PRKG1: variants seen among roughly 807,000 people sequenced by gnomAD.
The protein encoded by PRKG1 is protein kinase cGMP-dependent 1, also known as cGMP-dependent protein kinase 1.
In PRKG1, 35 loss-of-function variants were observed where a neutral mutation model predicts 88.1. The observed-to-expected ratio is 0.40, with a 90% CI of 0.30 to 0.53. PRKG1 has a LOEUF of 0.53. Ranked by LOEUF, PRKG1 falls within the 20% of genes least tolerant of loss-of-function variation. The pLI is 0.59. For missense variants in PRKG1, 540 were observed against 839.8 expected (o/e 0.64, Z 4.41); for synonymous variants, 303 against 292.5 (o/e 1.04, Z -0.37).
chr10:51,774,597 TAGG>T (rs1387466525), intron 3 of PRKG1, among the ~76,000 whole-genome samples: 1 of 152,178 alleles, frequency 6.6e-6, no homozygotes, highest in South Asian at 2.1e-4. Flanking sequence ...TTATTGCAAG[TAGG>T]AGGTGTTTAT....
chr10:51,011,301 C>G lies in PRKG1; in HGVS notation c.266+19657C>G, dbSNP rs552516031. ...TCTTGGACTCTACCCACCAGTAACA[C>G]CAGTAATACTCTACCCACCAGTAAC... On this transcript the variant is annotated intron_variant, in intron 1 of 17. Coordinates refer to the PRKG1 transcript ENST00000401604. Among the ~76,000 whole-genome samples the G allele has an allele frequency of 2.6e-3, 398 of 152,058 alleles. 1 individual carries two copies. The highest frequency in any genetic ancestry group is 9.3e-3 in the African/African-American group (384 of 41,462).
At chr10:51,416,214 TAATTC>T (rs1430407671) in intron 2 of PRKG1, among the ~76,000 whole-genome samples, 7 of 152,170 alleles carry the variant, frequency 4.6e-5, no homozygotes, top group African/African-American at 1.7e-4. Context: ...TCTAATAAAA[TAATTC>T]AATTAATAGC....
chr10:51,797,204 G>A (rs1189766820), intron 3 of PRKG1, among the ~76,000 whole-genome samples: 1 of 150,050 alleles, frequency 6.7e-6, no homozygotes, highest in Non-Finnish European at 1.5e-5. Context: ...AAATACTGAT[G>A]TGAGACTTCT....
At chr10:51,298,234 C>T (rs1021720822) in intron 2 of PRKG1, among the ~76,000 whole-genome samples, 3 of 152,214 alleles carry the variant, frequency 2.0e-5, no homozygotes, top group South Asian at 4.2e-4. Flanking sequence ...GAAATCTGAA[C>T]CCACACAATC....
At chr10:52,177,515 A>C (rs983301037) in intron 9 of PRKG1, among the ~76,000 whole-genome samples, 1 of 152,130 alleles carries the variant, frequency 6.6e-6, no homozygotes, top group Admixed American at 6.5e-5. Context: ...TGCTTACTTC[A>C]TAGAATGAGT....
chr10:51,558,589 A>G (rs1837374258), intron 3 of PRKG1, among the ~76,000 whole-genome samples: 1 of 152,082 alleles, frequency 6.6e-6, no homozygotes, highest in Admixed American at 6.6e-5. Context: ...GCTAAATGCC[A>G]AGTAGAATAA....
intron 3 of PRKG1, among the ~76,000 whole-genome samples, chr10:51,564,756 T>A (rs1837557657): frequency 6.6e-6 from 1 of 152,116 alleles, no homozygotes; most frequent in South Asian, 2.1e-4. Context: ...TTGCTTCGTA[T>A]GTAGGATTTC....
intron 2 of PRKG1, among the ~76,000 whole-genome samples, chr10:51,465,444 G>C (rs1028866805): frequency 6.6e-6 from 1 of 152,056 alleles, no homozygotes; most frequent in Non-Finnish European, 1.5e-5. Flanking sequence ...AGATCTATTA[G>C]TATAATTGAC....
intron 1 of PRKG1, among the ~76,000 whole-genome samples, chr10:51,009,470 T>C (rs1285831594): frequency 1.3e-5 from 2 of 152,192 alleles, no homozygotes; most frequent in Non-Finnish European, 2.9e-5. Context: ...TTTTTGTTAA[T>C]GTAGTCTATA....
At chr10:51,883,983 T>C (rs549872629) in intron 4 of PRKG1, among the ~76,000 whole-genome samples, 1 of 140,382 alleles carries the variant, frequency 7.1e-6, no homozygotes, top group South Asian at 2.2e-4. Flanking sequence ...TGGTTTTCTA[T>C]GAAAATGAAT....
intron 9 of PRKG1, among the ~76,000 whole-genome samples, chr10:52,225,261 T>C (rs1346335462): frequency 1.3e-5 from 2 of 152,218 alleles, no homozygotes; most frequent in Non-Finnish European, 2.9e-5. Flanking sequence ...TTCATATGTT[T>C]GTTGCCCATT....
intron 3 of PRKG1, among the ~76,000 whole-genome samples, chr10:51,477,573 C>A (rs147440006): frequency 6.6e-6 from 1 of 151,892 alleles, no homozygotes; most frequent in African/African-American, 2.4e-5. Context: ...TAAGGACCCA[C>A]CTTATGACTG....
chr10:52,087,602 T>C (rs1428595162), intron 7 of PRKG1, among the ~76,000 whole-genome samples: 2 of 152,206 alleles, frequency 1.3e-5, no homozygotes, highest in Non-Finnish European at 1.5e-5. Flanking sequence ...AGAAATTTAC[T>C]CACATTTTCT....
chr10:51,304,985 T>C (rs1840999071), intron 2 of PRKG1, among the ~76,000 whole-genome samples: 1 of 152,116 alleles, frequency 6.6e-6, no homozygotes, highest in South Asian at 2.1e-4. Flanking sequence ...AAGGCCATTC[T>C]TTCTATGTGC....
At chr10:51,610,065 T>C (rs531252576) in intron 3 of PRKG1, among the ~76,000 whole-genome samples, 2 of 152,300 alleles carry the variant, frequency 1.3e-5, no homozygotes, top group African/African-American at 4.8e-5. Flanking sequence ...GCCACGTGAA[T>C]AGAATGTATA....
At chr10:51,707,727 C>T (rs574192830) in intron 3 of PRKG1, among the ~76,000 whole-genome samples, 25 of 152,056 alleles carry the variant, frequency 1.6e-4, no homozygotes, top group Non-Finnish European at 3.1e-4. Context: ...ATATTTGTAC[C>T]AAGTTACAGG....
chr10:51,906,557 G>T (rs901691098), intron 4 of PRKG1, among the ~76,000 whole-genome samples: 2 of 152,110 alleles, frequency 1.3e-5, no homozygotes, highest in African/African-American at 4.8e-5. Flanking sequence ...TTGGCAATTG[G>T]TTATAAGAGT....
intron 1 of PRKG1, among the ~76,000 whole-genome samples, chr10:51,089,536 G>T (rs1325691783): frequency 6.6e-6 from 1 of 152,126 alleles, no homozygotes; most frequent in African/African-American, 2.4e-5. Flanking sequence ...GGTGGAATTT[G>T]CTTGTATATT....
At chr10:52,114,018 C>G (rs1011447184) in intron 7 of PRKG1, among the ~76,000 whole-genome samples, 24 of 151,972 alleles carry the variant, frequency 1.6e-4, no homozygotes, top group African/African-American at 5.6e-4. Context: ...CGTCTTTCTT[C>G]AGATACAGAA....
Sources: allele counts gnomAD v4.1 joint callset (sites outside exome capture counted in the v4.1 genomes callset), GRCh38; gene constraint gnomAD v4.1.1; transcripts MANE v1.5; gene names NCBI Gene and HGNC (gene_info 2026-07-23, HGNC 2026-07-21).